The following PRKCA variants were observed in gnomAD, a reference collection of about 807,000 sequenced individuals.
PRKCA encodes the protein protein kinase C alpha type.
Under a neutral mutation model 87.0 loss-of-function variants are expected in PRKCA, and 27 were observed. The observed-to-expected ratio is 0.31, with a 90% CI of 0.23 to 0.43. The LOEUF is 0.43. PRKCA is among the 20% of genes least tolerant of loss of function. The pLI is 1.00. For synonymous variants in PRKCA, 329 were observed against 311.1 expected (o/e 1.06, Z -0.61); for missense variants, 518 against 852.3 (o/e 0.61, Z 4.88).
intron 3 of PRKCA, among the ~76,000 whole-genome samples, chr17:66,623,443 C>T (rs1461473946): frequency 6.6e-6 from 1 of 152,164 alleles, no homozygotes; most frequent in East Asian, 1.9e-4. Flanking sequence ...TAAATGTCAC[C>T]ATTGTCATTA....
At chr17:66,514,611 G>A (rs965069993) in intron 3 of PRKCA, among the ~76,000 whole-genome samples, 39 of 152,202 alleles carry the variant, frequency 2.6e-4, no homozygotes, top group African/African-American at 8.4e-4. Context: ...CTCCTCCAGC[G>A]TTTAGTTTAG....
chr17:66,304,982 A>G (rs1904733336), intron 1 of PRKCA, among the ~76,000 whole-genome samples: 1 of 152,058 alleles, frequency 6.6e-6, no homozygotes, highest in Non-Finnish European at 1.5e-5. Context: ...GAGGCTAGCT[A>G]TTGTCTTTCC....
At chr17:66,429,492 A>T (rs1027549275) in intron 2 of PRKCA, among the ~76,000 whole-genome samples, 1 of 152,132 alleles carries the variant, frequency 6.6e-6, no homozygotes, top group Admixed American at 6.5e-5. Context: ...TTGATTTGTG[A>T]TTATCATTTA....
At chr17:66,707,100 T>G (rs374901790) in intron 8 of PRKCA, among the ~76,000 whole-genome samples, 12 of 152,104 alleles carry the variant, frequency 7.9e-5, no homozygotes, top group Non-Finnish European at 1.3e-4. Flanking sequence ...CTTTTCTGAC[T>G]CCTCTCCATT....
At chr17:66,338,887 C>T (rs757741054) in intron 2 of PRKCA, among the ~76,000 whole-genome samples, 12 of 152,154 alleles carry the variant, frequency 7.9e-5, no homozygotes, top group Non-Finnish European at 1.3e-4. Flanking sequence ...GCTATGGTAT[C>T]ACTCCATTTG....
At chr17:66,587,905 A>G (rs112721704) in intron 3 of PRKCA, among the ~76,000 whole-genome samples, 15,516 of 62,766 alleles carry the variant, frequency 0.25, 2,665 homozygotes, top group African/African-American at 0.46. Flanking sequence ...GTATATATAT[A>G]TATATATATA....
chr17:66,345,419 G>A (rs1412527072), intron 2 of PRKCA, among the ~76,000 whole-genome samples: 1 of 152,164 alleles, frequency 6.6e-6, no homozygotes, highest in Non-Finnish European at 1.5e-5. Context: ...GACTTTCAGA[G>A]TAGTGTTTAT....
chr17:66,728,131 G>A (rs1026104559), intron 8 of PRKCA, among the ~76,000 whole-genome samples: 1 of 152,236 alleles, frequency 6.6e-6, no homozygotes, highest in Non-Finnish European at 1.5e-5. Flanking sequence ...AGGTGGCAGC[G>A]TGGAGATGGC....
intron 8 of PRKCA, among the ~76,000 whole-genome samples, chr17:66,691,602 C>T (rs1278645039): frequency 6.6e-6 from 1 of 152,060 alleles, no homozygotes; most frequent in Non-Finnish European, 1.5e-5. Flanking sequence ...CCTGATGTCA[C>T]ACCACCTCTG....
intron 5 of PRKCA, among the ~76,000 whole-genome samples, chr17:66,666,713 T>C (rs1260185717): frequency 1.3e-5 from 2 of 152,158 alleles, no homozygotes; most frequent in Non-Finnish European, 2.9e-5. Context: ...AAAAATGCCT[T>C]CCCCAAAATC....
chr17:66,675,518 T>A (rs1476940729), intron 5 of PRKCA, among the ~76,000 whole-genome samples: 5 of 152,154 alleles, frequency 3.3e-5, no homozygotes, highest in Non-Finnish European at 7.3e-5. Context: ...GGACGATCCC[T>A]CGGTCCCTGC....
intron 12 of PRKCA, 89 bp downstream of exon 12, chr17:66,741,810 C>T: frequency 5.1e-6 from 7 of 1,371,776 alleles, no homozygotes; most frequent in Non-Finnish European, 7.2e-6. Flanking sequence ...TGACTTAAGA[C>T]ACAGAGTTGA....
At chr17:66,382,805 A>G (rs1459752097) in intron 2 of PRKCA, among the ~76,000 whole-genome samples, 3 of 151,970 alleles carry the variant, frequency 2.0e-5, no homozygotes, top group Non-Finnish European at 4.4e-5. Context: ...GAGGTTAGGG[A>G]TGCTGCTCAA....
rs765617766 is a variant in PRKCA, at chr17:66,788,947, A to G, written c.1822A>G (p.Arg608Gly). Residue 608 changes from arginine to glycine, a missense_variant, in exon 16 of 17, where the codon AGG becomes GGG. Physicochemically the swap from Arg to Gly is moderately radical, Grantham distance 125. Around this residue, in one of 5 missense-constraint regions of PRKCA, gnomAD observed 159 missense variants for 232.4 expected, o/e 0.68. Transcript: ENST00000413366. The stretch of plus-strand genomic sequence containing the variant: ...GATCGACTGGGAAAAACTGGAGAAC[A>G]GGGAGATCCAGCCACCATTCAAGCC... ...RRIDWEKLEN[R>G]EIQPPFKPKV... 1.9e-6 allele frequency: 3 copies of G among 1,614,070 alleles called. No individual in the cohort carries two copies. Among genetic ancestry groups the G allele is most frequent in the Admixed American group, 1.7e-5 (1 of 59,998 alleles).
intron 2 of PRKCA, among the ~76,000 whole-genome samples, chr17:66,401,782 T>C (rs1407080647): frequency 1.3e-5 from 2 of 152,180 alleles, no homozygotes; most frequent in African/African-American, 4.8e-5. Flanking sequence ...CACAGATTTC[T>C]GGCAGTGGTT....
intron 2 of PRKCA, among the ~76,000 whole-genome samples, chr17:66,381,500 G>A (rs1200474111): frequency 6.6e-6 from 1 of 152,076 alleles, no homozygotes; most frequent in South Asian, 2.1e-4. Context: ...TGAGAGGGAG[G>A]GCCATGAAGT....
At chr17:66,700,176 C>T (rs752393494) in intron 8 of PRKCA, among the ~76,000 whole-genome samples, 1 of 152,114 alleles carries the variant, frequency 6.6e-6, no homozygotes, top group Non-Finnish European at 1.5e-5. Flanking sequence ...ATGTGATACA[C>T]AACATTAACA....
At chr17:66,710,404 A>G (rs554276928) in intron 8 of PRKCA, among the ~76,000 whole-genome samples, 59 of 151,720 alleles carry the variant, frequency 3.9e-4, no homozygotes, top group African/African-American at 1.3e-3. Flanking sequence ...CATTTCTCCT[A>G]CTAACCTGGC....
intron 3 of PRKCA, among the ~76,000 whole-genome samples, chr17:66,588,400 G>T (rs1295709145): frequency 1.3e-5 from 2 of 151,938 alleles, no homozygotes; most frequent in Non-Finnish European, 2.9e-5. Flanking sequence ...GATATAAGTT[G>T]CAAATTATCT....
Sources: gnomAD v4.1 joint callset for allele counts (sites outside exome capture counted in the v4.1 genomes callset) on GRCh38, gnomAD v4.1.1 for gene constraint, gnomAD v4.1.1 regional missense constraint, MANE v1.5 for transcripts, NCBI Gene and HGNC (gene_info 2026-07-23, HGNC 2026-07-21) for gene names.